Variants in GRB10 observed in about 807,000 individuals in gnomAD.
GRB10 encodes the protein growth factor receptor-bound protein 10.
Under a neutral mutation model 80.9 loss-of-function variants are expected in GRB10, and 20 were observed. The ratio of observed to expected loss-of-function variants is 0.25; its 90% CI spans 0.17 to 0.36. GRB10 has a LOEUF of 0.36. Ranked by LOEUF, GRB10 falls within the 10% of genes least tolerant of loss-of-function variation. The pLI, the probability that GRB10 is intolerant of heterozygous loss-of-function variation, is 1.00. For missense variants in GRB10, 548 were observed against 747.7 expected (o/e 0.73, Z 3.12); for synonymous variants, 291 against 291.5 (o/e 1.00, Z 0.02).
intron 7 of GRB10, among the ~76,000 whole-genome samples, chr7:50,660,499 A>G (rs956108118): frequency 2.6e-5 from 4 of 152,166 alleles, no homozygotes; most frequent in Non-Finnish European, 5.9e-5. Flanking sequence ...CTCCTCAGAC[A>G]GAGCAGGAAA....
intron 3 of GRB10, among the ~76,000 whole-genome samples, chr7:50,745,816 CT>C (rs1440314002): frequency 2.0e-5 from 3 of 152,156 alleles, no homozygotes; most frequent in Non-Finnish European, 4.4e-5. Context: ...CTAAAGAAAA[CT>C]TTTTAAAGGC....
At chr7:50,678,494 T>G (rs1246495349) in intron 5 of GRB10, among the ~76,000 whole-genome samples, 1 of 152,162 alleles carries the variant, frequency 6.6e-6, no homozygotes, top group Non-Finnish European at 1.5e-5. Context: ...TAGAAACAAC[T>G]GTAAAATGTC....
intron 7 of GRB10, among the ~76,000 whole-genome samples, chr7:50,638,886 AC>A (rs35365619): frequency 0.34 from 51,473 of 152,098 alleles, 8,886 homozygotes; most frequent in Middle Eastern, 0.52. Context: ...GGTAATATAC[AC>A]CACAGAATAG....
chr7:50,738,596 A>G (rs2071205587), intron 3 of GRB10, among the ~76,000 whole-genome samples: 1 of 152,234 alleles, frequency 6.6e-6, no homozygotes, highest in African/African-American at 2.4e-5. Context: ...GTTCACCACC[A>G]TGCCCAGATA....
At chr7:50,691,961 A>T (rs1420386597) in intron 5 of GRB10, among the ~76,000 whole-genome samples, 1 of 152,218 alleles carries the variant, frequency 6.6e-6, no homozygotes, top group Non-Finnish European at 1.5e-5. Context: ...TGATACTAAC[A>T]AAAGTTACTT....
chr7:50,725,344 C>T (rs1296255326), intron 4 of GRB10, among the ~76,000 whole-genome samples: 1 of 152,202 alleles, frequency 6.6e-6, no homozygotes, highest in Non-Finnish European at 1.5e-5. Context: ...TTTTAAGTTT[C>T]CTGAGGCCTT....
intron 4 of GRB10, among the ~76,000 whole-genome samples, chr7:50,709,557 C>T (rs201614054): frequency 6.9e-6 from 1 of 143,928 alleles, no homozygotes; most frequent in African/African-American, 2.6e-5. Context: ...CCATTAAACT[C>T]TTTTTTTTTG....
intron 17 of GRB10, among the ~76,000 whole-genome samples, chr7:50,599,795 A>G (rs1434595141): frequency 6.6e-6 from 1 of 152,204 alleles, no homozygotes; most frequent in Non-Finnish European, 1.5e-5. Flanking sequence ...GGGGAAGCAA[A>G]ACGCTGACAC....
At chr7:50,731,674 G>C (rs958280210) in intron 4 of GRB10, among the ~76,000 whole-genome samples, 2 of 152,240 alleles carry the variant, frequency 1.3e-5, no homozygotes, top group East Asian at 1.9e-4. Context: ...ACTTGCAGAT[G>C]AAACTGTTCT....
At chr7:50,790,637 C>T (rs2153717373) in intron 1 of GRB10, among the ~76,000 whole-genome samples, 1 of 152,340 alleles carries the variant, frequency 6.6e-6, no homozygotes, top group Admixed American at 6.5e-5. Flanking sequence ...GCAACCTAAC[C>T]CTAGATACAA....
At position 50,674,478 on chromosome 7, in the gene GRB10, T is replaced by C. The variant is rs2060700296; in HGVS notation, c.320A>G (p.Gln107Arg). 3.7e-6 allele frequency: 6 copies of C among 1,607,974 alleles called. No individual in the cohort carries two copies. The African/African-American group carries it at 8.0e-5, about 21-fold the overall frequency. Residue 107 changes from glutamine (Q) to arginine (R), a missense_variant, in exon 6 of 19, where the codon CAG becomes CGG. Physicochemically the swap from Gln to Arg is conservative, Grantham distance 43. Around this residue, in one of 4 missense-constraint regions of GRB10, gnomAD observed 245 missense variants for 229.3 expected, o/e 1.07. Coordinates refer to ENST00000401949, the MANE Select transcript of GRB10 (RefSeq NM_001350814.2). ...RSIQPQVSPR[Q>R]RVQRSQPVHI... ...CACAGGCTGGGAGCGCTGCACCCTCTGCCTCGGGGACACCTGTGGCTGGAT... is the reference window on the plus strand; with the variant it reads ...CACAGGCTGGGAGCGCTGCACCCTCCGCCTCGGGGACACCTGTGGCTGGAT...
At chr7:50,607,701 T>C (rs117051954) in intron 13 of GRB10, among the ~76,000 whole-genome samples, 1 of 152,342 alleles carries the variant, frequency 6.6e-6, no homozygotes, top group East Asian at 1.9e-4. Flanking sequence ...ACTTTGAACG[T>C]ACACGACCTG....
intron 10 of GRB10, among the ~76,000 whole-genome samples, chr7:50,617,297 C>T (rs577128748): frequency 6.6e-6 from 1 of 152,296 alleles, no homozygotes; most frequent in Admixed American, 6.5e-5. Context: ...AGAAAAAGGG[C>T]TTATGAGGAG....
intron 4 of GRB10, among the ~76,000 whole-genome samples, chr7:50,720,585 A>G (rs2067567631): frequency 6.6e-6 from 1 of 152,202 alleles, no homozygotes; most frequent in Non-Finnish European, 1.5e-5. Flanking sequence ...AAGGAAAAAT[A>G]ACAGTGAAAG....
At chr7:50,657,357 A>T (rs1035338965) in intron 7 of GRB10, among the ~76,000 whole-genome samples, 13 of 152,246 alleles carry the variant, frequency 8.5e-5, no homozygotes, top group Non-Finnish European at 1.8e-4. Flanking sequence ...GTTGCTTCCC[A>T]CTTCCTCGAG....
At chr7:50,788,685 A>C (rs759395333) in intron 1 of GRB10, among the ~76,000 whole-genome samples, 2 of 152,186 alleles carry the variant, frequency 1.3e-5, no homozygotes, top group Non-Finnish European at 2.9e-5. Context: ...ACCTAATACA[A>C]AACCTTTCAA....
At chr7:50,630,846 C>T (rs2053862998) in intron 7 of GRB10, among the ~76,000 whole-genome samples, 1 of 152,154 alleles carries the variant, frequency 6.6e-6, no homozygotes, top group Non-Finnish European at 1.5e-5. Flanking sequence ...CACTGAATCC[C>T]GTTATAAAAG....
intron 4 of GRB10, among the ~76,000 whole-genome samples, chr7:50,724,296 G>A (rs963456038): frequency 6.6e-6 from 1 of 152,208 alleles, no homozygotes; most frequent in Middle Eastern, 3.2e-3. Flanking sequence ...CTGTCAACCT[G>A]TCAAGCACGG....
chr7:50,705,093 GC>G (rs1563521556), intron 4 of GRB10: 53 of 951,082 alleles, frequency 5.6e-5, no homozygotes, highest in Non-Finnish European at 6.4e-5. Flanking sequence ...CCTTGCTCAC[GC>G]ATGAAATGGG....
Sources: allele counts gnomAD v4.1 joint callset (sites outside exome capture counted in the v4.1 genomes callset), GRCh38; gene constraint gnomAD v4.1.1; regional missense constraint gnomAD v4.1.1; transcripts MANE v1.5; gene names NCBI Gene and HGNC (gene_info 2026-07-23, HGNC 2026-07-21).